The following OXTR variants were observed in gnomAD, a reference collection of about 807,000 sequenced individuals.
The protein encoded by OXTR is oxytocin receptor.
OXTR carries 19 observed loss-of-function variants against 23.9 expected under a neutral mutation model. The ratio of observed to expected loss-of-function variants is 0.80; its 90% confidence interval spans 0.56 to 1.17. The LOEUF is 1.17. OXTR is among the 50% of genes most tolerant of loss of function. The pLI is 0.00. For missense variants in OXTR, 500 were observed against 550.7 expected (o/e 0.91, Z 0.92); for synonymous variants, 278 against 250.5 (o/e 1.11, Z -1.04).
chr3:8,741,806 G>A, the OXTR span, among the ~76,000 whole-genome samples: 1 of 151,906 alleles, frequency 6.6e-6, no homozygotes, highest in African/African-American at 2.4e-5. Flanking sequence ...GCAATCCCCC[G>A]CCCTGCTATC....
chr3:8,750,770 C>T lies in OXTR; in HGVS notation c.*2207G>A, dbSNP rs1708238093. The T allele has an allele frequency of 6.6e-6, 1 of 152,150 alleles. No homozygotes were observed. The highest frequency in any genetic ancestry group is 1.5e-5 in the Non-Finnish European group (1 of 68,040). 9.4% of individuals were successfully genotyped at this position (152,150 alleles called of 1,614,324 possible). ...TGCGTGGACAGACCACATTTTATTT[C>T]CCATTCATCAGTTGGTAGACATTTG... On this transcript the variant is annotated 3_prime_UTR_variant, in exon 4 of 4. Transcript: ENST00000316793.
chr3:8,749,973 AG>A (rs1708224635), downstream of OXTR, among the ~76,000 whole-genome samples: 1 of 152,216 alleles, frequency 6.6e-6, no homozygotes, highest in South Asian at 2.1e-4. Flanking sequence ...GAAACTTAAA[AG>A]GTGCCCCACC....
chr3:8,759,342 A>C (rs1708440817), intron 3 of OXTR, among the ~76,000 whole-genome samples: 1 of 152,212 alleles, frequency 6.6e-6, no homozygotes, highest in Non-Finnish European at 1.5e-5. Flanking sequence ...TTGGTAAATA[A>C]ATAGCTCTAT....
chr3:8,767,124 T>A, intron 3 of OXTR, 142 bp downstream of exon 3: 1 of 741,092 alleles, frequency 1.3e-6, no homozygotes, highest in Non-Finnish European at 2.0e-6. Flanking sequence ...GGTCAAGGGA[T>A]GACAGAGCAG....
downstream of OXTR, among the ~76,000 whole-genome samples, chr3:8,748,113 T>C (rs533683747): frequency 1.9e-3 from 268 of 137,550 alleles, 1 homozygote; most frequent in Non-Finnish European, 2.9e-3. Flanking sequence ...ATAAGATACA[T>C]AGGGGACCAC....
chr3:8,745,780 C>G (rs202101572), downstream of OXTR: 1 of 1,614,132 alleles, frequency 6.2e-7, no homozygotes, highest in East Asian at 2.2e-5. This position sits in a 1 kb window ranked among gnomAD's most constrained non-coding sequence, Gnocchi z 4.8. Flanking sequence ...TCTACTCACT[C>G]TGCATCCGCA....
At chr3:8,757,728 A>G (rs1708401130) in intron 3 of OXTR, among the ~76,000 whole-genome samples, 2 of 152,094 alleles carry the variant, frequency 1.3e-5, no homozygotes, top group Admixed American at 6.5e-5. Context: ...CATCCTTGCC[A>G]GGAAGGGAGG....
rs1300575783 is a variant in OXTR at position 8,750,837 on chromosome 3, G to A, written c.*2140C>T. 1 of 152,180 alleles carries A rather than the reference G, an allele frequency of 6.6e-6. No individual in the cohort carries two copies. The highest frequency in any genetic ancestry group is 2.4e-5 in the African/African-American group (1 of 41,422). The allele number at this position is 152,180 out of a possible 1,614,324, so 9.4% of individuals were successfully genotyped here. A position where few individuals can be genotyped will look rare whatever the true frequency, so the allele number is the denominator to read the frequency against. ...TGGCTATTACAAATAATGTTGCTAT[G>A]AACATTGGTGTACAAGTTTTTGTGT... On this transcript the variant is annotated 3_prime_UTR_variant, in exon 4 of 4. Transcript: ENST00000316793.
At chr3:8,755,440 T>C (rs943421195) in intron 3 of OXTR, among the ~76,000 whole-genome samples, 1 of 152,270 alleles carries the variant, frequency 6.6e-6, no homozygotes, top group African/African-American at 2.4e-5. Context: ...TATCTGTTCA[T>C]TTAAGCTATT....
At position 8,768,502 on chromosome 3, in the gene OXTR, T is replaced by C. The variant is rs2125008890; in HGVS notation, c.-149A>G. The C allele has an allele frequency of 3.8e-6, 1 of 264,842 alleles. No homozygotes were observed. The highest frequency in any genetic ancestry group is 7.0e-6 in the Non-Finnish European group (1 of 142,164). 16.4% of individuals were successfully genotyped at this position (264,842 alleles called of 1,614,324 possible). A position where few individuals can be genotyped will look rare whatever the true frequency, so the allele number is the denominator to read the frequency against. ...AAATCCCCGTTGGAGGTACCTCCTC[T>C]GAGCCACTGCAAATGAGCGGGAATC... On this transcript the variant is annotated 5_prime_UTR_variant, in exon 2 of 4. Transcript: ENST00000316793. This position sits in a 1 kb window ranked among gnomAD's most constrained non-coding sequence, Gnocchi z 5.4.
chr3:8,761,206 G>A (rs1042745580), intron 3 of OXTR, among the ~76,000 whole-genome samples: 5 of 152,206 alleles, frequency 3.3e-5, no homozygotes, highest in African/African-American at 1.2e-4. Context: ...GAAACAAAGT[G>A]CCAACCTGAG....
chr3:8,762,011 C>T (rs1411833456), intron 3 of OXTR, among the ~76,000 whole-genome samples: 1 of 152,178 alleles, frequency 6.6e-6, no homozygotes, highest in Non-Finnish European at 1.5e-5. Context: ...TGGGAGGGAG[C>T]CCTGTGGGGT....
intron 3 of OXTR, among the ~76,000 whole-genome samples, chr3:8,760,044 A>G (rs985150543): frequency 2.0e-5 from 3 of 152,218 alleles, no homozygotes; most frequent in African/African-American, 7.2e-5. Flanking sequence ...ACTTGCCACC[A>G]TGCGCCAACT....
chr3:8,749,779 C>T (rs999967008), downstream of OXTR, among the ~76,000 whole-genome samples: 1 of 152,208 alleles, frequency 6.6e-6, no homozygotes, highest in Non-Finnish European at 1.5e-5. Flanking sequence ...TCAGTGCAAG[C>T]CTCTCTTCTC....
At chr3:8,747,692 G>A (rs957803295), downstream of OXTR, among the ~76,000 whole-genome samples, 1 of 152,156 alleles carries the variant, frequency 6.6e-6, no homozygotes. Flanking sequence ...TTGTCGGGGG[G>A]CTCAGCAGGC....
chr3:8,752,765 G>T lies in OXTR; in HGVS notation c.*212C>A, dbSNP rs906157332. On this transcript the variant is annotated 3_prime_UTR_variant, in exon 4 of 4. Coordinates refer to ENST00000316793, the MANE Select transcript of OXTR (RefSeq NM_000916.4). Reference sequence around the variant, plus strand: ...AGTGGGTTCAGGGTGGTAGAAGTACGTGTAGGAGGCCAGGGTGTTGTCTGA... The same window carrying T: ...AGTGGGTTCAGGGTGGTAGAAGTACTTGTAGGAGGCCAGGGTGTTGTCTGA... The T allele has an allele frequency of 3.4e-6, 2 of 580,618 alleles. No homozygotes were observed. Among genetic ancestry groups the T allele is most frequent in the African/African-American group, 1.9e-5 (1 of 53,588 alleles). 36.0% of individuals were successfully genotyped at this position (580,618 alleles called of 1,614,324 possible).
At chr3:8,742,407 CACAT>C in the OXTR span, 2 of 354,998 alleles carry the variant, frequency 5.6e-6, no homozygotes, top group Admixed American at 3.8e-5. Context: ...AATTAAAAGA[CACAT>C]ACAGAAGCCA....
intron 3 of OXTR, among the ~76,000 whole-genome samples, chr3:8,756,284 G>A (rs953445272): frequency 2.0e-5 from 3 of 152,140 alleles, no homozygotes; most frequent in African/African-American, 4.8e-5. Context: ...ATCACTGCTC[G>A]AGCCCGCCCA....
intron 3 of OXTR, among the ~76,000 whole-genome samples, chr3:8,760,630 C>A (rs1159311101): frequency 6.6e-6 from 1 of 152,228 alleles, no homozygotes; most frequent in Non-Finnish European, 1.5e-5. Flanking sequence ...CTCCTAGGAA[C>A]ACCCTGTTCA....
Sources: allele counts gnomAD v4.1 joint callset (sites outside exome capture counted in the v4.1 genomes callset), GRCh38; gene constraint gnomAD v4.1.1; non-coding constraint Gnocchi (gnomAD v3.1); transcripts MANE v1.5; gene names NCBI Gene and HGNC (gene_info 2026-07-23, HGNC 2026-07-21).